The following FRMPD3 variants were observed in gnomAD, a reference collection of about 807,000 sequenced individuals.
The protein encoded by FRMPD3 is FERM and PDZ domain containing 3, also known as FERM and PDZ domain-containing protein 3.
Under a neutral mutation model 97.9 loss-of-function variants are expected in FRMPD3, and 42 were observed. The observed-to-expected ratio is 0.43, with a 90% CI of 0.34 to 0.55. The LOEUF (loss-of-function observed/expected upper bound fraction) is 0.55. FRMPD3 is among the 20% of genes least tolerant of loss of function. The pLI is 0.03. For synonymous variants in FRMPD3, 577 were observed against 581.1 expected, an observed-to-expected ratio of 0.99 and a Z score of 0.10; for missense variants, 1,303 against 1,457.7, an observed-to-expected ratio of 0.89 and a Z score of 1.73.
chrX:107,461,328 G>T (rs751484264), intron 1 of FRMPD3, among the ~76,000 whole-genome samples: 1 of 111,372 alleles, frequency 9.0e-6, no homozygotes, highest in South Asian at 3.9e-4. Context: ...CCCCTCTTCA[G>T]CAGGCTGTAT....
chrX:107,490,952 A>C (rs1385778722), intron 1 of FRMPD3, among the ~76,000 whole-genome samples: 1 of 112,101 alleles, frequency 8.9e-6, no homozygotes, highest in Non-Finnish European at 1.9e-5. Flanking sequence ...TGCACCAAGC[A>C]CTGGGCTTTG....
rs373975442 is a variant in FRMPD3, at chrX:107,597,555, G to A, written c.1676G>A (p.Arg559Gln). Reference sequence around the variant, plus strand: ...ATCTTCTTTGAGGAGACCAGGCCCCGAACCAAGTCTGACCCCACATCCAAA... The same window carrying A: ...ATCTTCTTTGAGGAGACCAGGCCCCAAACCAAGTCTGACCCCACATCCAAA... ...NLIFFEETRP[R>Q]TKSDPTSKSS... is the part of the protein sequence containing the mutation. The change falls in exon 14 of 15, where the codon CGA becomes CAA. Residue 559 changes from arginine to glutamine, a missense_variant. Transcript: ENST00000683843. The A allele has an allele frequency of 9.9e-6, 12 of 1,208,859 alleles. No homozygotes were observed. The highest frequency in any genetic ancestry group is 3.5e-5 in the South Asian group (2 of 56,793).
chrX:107,593,621 A>C (rs1924015803), intron 13 of FRMPD3, among the ~76,000 whole-genome samples: 1 of 111,696 alleles, frequency 9.0e-6, no homozygotes, highest in African/African-American at 3.3e-5. Flanking sequence ...GGGGCTAGCC[A>C]GTTGTCCCAA....
intron 1 of FRMPD3, among the ~76,000 whole-genome samples, chrX:107,514,650 C>T (rs1195398176): frequency 9.2e-6 from 1 of 109,127 alleles, no homozygotes; most frequent in Non-Finnish European, 1.9e-5. Context: ...CTCAGCCTCC[C>T]GAGTAGCTGG....
chrX:107,473,225 G>T (rs1204810547), intron 1 of FRMPD3, among the ~76,000 whole-genome samples: 1 of 112,122 alleles, frequency 8.9e-6, no homozygotes, highest in Non-Finnish European at 1.9e-5. Context: ...CCCAAATCTG[G>T]CCTTTCTCTC....
In FRMPD3 at chrX:107,597,423, G is replaced by T. The variant is rs747332403; in HGVS notation, c.1544G>T (p.Arg515Leu). ...GGCACCAGCCCCAGGAAATCGAGCC[G>T]CTGCACGCCCCCACCTGCCGACTCT... The part of the protein sequence containing the change: ...SVGTSPRKSS[R>L]CTPPPADSEL... The change falls in exon 14 of 15, where the codon CGC (arginine) becomes CTC (leucine). Residue 515 changes from arginine (R) to leucine (L), a missense_variant. Coordinates refer to ENST00000683843, the MANE Select transcript of FRMPD3 (RefSeq NM_001388459.1). 3.3e-6 allele frequency: 4 copies of T among 1,210,760 alleles called. No individual in the cohort carries two copies. In the African/African-American group the frequency reaches 5.2e-5, roughly 16 times the overall value.
At position 107,601,850 on chromosome X, in the gene FRMPD3, C is replaced by G; in HGVS notation, c.3811C>G (p.Pro1271Ala). The change falls in exon 15 of 15, where the codon CCA becomes GCA. Residue 1271 changes from proline to alanine, a missense_variant. Pro to Ala is a conservative substitution (Grantham distance 27). This residue lies in a region of FRMPD3 where 764 missense variants were observed against 820.2 expected (regional missense o/e 0.93). Transcript: ENST00000683843. ...ELPGTEYLQP[P>A]APGRCSCQLR... Reference sequence around the variant, plus strand: ...GCCAGGCACCGAGTACCTGCAACCTCCAGCACCTGGCCGCTGCAGCTGCCA... The same window carrying G: ...GCCAGGCACCGAGTACCTGCAACCTGCAGCACCTGGCCGCTGCAGCTGCCA... The G allele has an allele frequency of 9.1e-6, 11 of 1,210,196 alleles. No individual in the cohort carries two copies. The highest frequency in any genetic ancestry group is 1.2e-5 in the Non-Finnish European group (11 of 895,028).
chrX:107,466,374 G>A (rs1931563169), intron 1 of FRMPD3, among the ~76,000 whole-genome samples: 1 of 112,454 alleles, frequency 8.9e-6, no homozygotes, highest in African/African-American at 3.2e-5. Context: ...GATAGATTCT[G>A]TGCTCTCTGC....
intron 3 of FRMPD3, 124 bp downstream of exon 3, chrX:107,530,635 A>G: frequency 2.0e-6 from 1 of 508,286 alleles, no homozygotes. Flanking sequence ...GAAGCCCTAT[A>G]GAGGGCTCCT....
chrX:107,511,753 C>T (rs183962579), intron 1 of FRMPD3, among the ~76,000 whole-genome samples: 11 of 112,497 alleles, frequency 9.8e-5, no homozygotes, highest in African/African-American at 3.6e-4. Context: ...ACACCTGCTC[C>T]CCCTGTCTGC....
chrX:107,560,426 G>T (rs1323272399), intron 9 of FRMPD3, 33 bp downstream of exon 9: 1 of 1,200,353 alleles, frequency 8.3e-7, no homozygotes, highest in Non-Finnish European at 1.1e-6. Flanking sequence ...GGGATGGGGG[G>T]CGAATAGTTG....
chrX:107,450,111 C>T (rs1931252364), intron 1 of FRMPD3, among the ~76,000 whole-genome samples, 106 bp downstream of exon 1: 1 of 110,386 alleles, frequency 9.1e-6, no homozygotes, highest in African/African-American at 3.3e-5. Context: ...GGGCGACTGG[C>T]GCTTGGGCGC....
At chrX:107,560,095 TC>T (rs1292071904) in intron 8 of FRMPD3, among the ~76,000 whole-genome samples, 161 bp from the exon 9 acceptor site, 59 of 103,279 alleles carry the variant, frequency 5.7e-4, no homozygotes, top group African/African-American at 2.0e-3. Context: ...GACCTGAGCC[TC>T]CTCTGTTGTC....
chrX:107,565,559 G>A (rs1206395512), intron 12 of FRMPD3, among the ~76,000 whole-genome samples: 1 of 109,288 alleles, frequency 9.2e-6, no homozygotes, highest in Non-Finnish European at 1.9e-5. Context: ...GCTGGGCATG[G>A]TAGCACACAC....
At chrX:107,549,675 A>G (rs1310083207) in intron 5 of FRMPD3, among the ~76,000 whole-genome samples, 4 of 111,581 alleles carry the variant, frequency 3.6e-5, no homozygotes, top group African/African-American at 1.3e-4. Context: ...AGCTTTGTAG[A>G]AGGTGTTTAA....
At chrX:107,513,704 A>G (rs111620656) in intron 1 of FRMPD3, among the ~76,000 whole-genome samples, 2,918 of 111,926 alleles carry the variant, frequency 0.026, 89 homozygotes, top group African/African-American at 0.088. Context: ...TGAGACACAA[A>G]CCGTAGGCAT....
intron 12 of FRMPD3, among the ~76,000 whole-genome samples, chrX:107,571,993 C>T (rs1043879831): frequency 1.4e-4 from 16 of 112,532 alleles, no homozygotes; most frequent in African/African-American, 5.2e-4. Flanking sequence ...GCTCTCTATA[C>T]GTTTTCCTCA....
chrX:107,576,578 A>G (rs774914068), intron 13 of FRMPD3, 119 bp downstream of exon 13: 18 of 790,606 alleles, frequency 2.3e-5, no homozygotes, highest in Non-Finnish European at 2.9e-5. Flanking sequence ...CTGATTTGCC[A>G]GGAGCCAACA....
intron 12 of FRMPD3, among the ~76,000 whole-genome samples, chrX:107,570,526 T>C (rs766669152): frequency 1.0e-3 from 113 of 110,686 alleles, no homozygotes; most frequent in African/African-American, 3.6e-3. Context: ...TTCTGGGGGG[T>C]TGGGGCCCAG....
Sources: gnomAD v4.1 joint callset for allele counts (sites outside exome capture counted in the v4.1 genomes callset) on GRCh38, gnomAD v4.1.1 for gene constraint, gnomAD v4.1.1 regional missense constraint, MANE v1.5 for transcripts, NCBI Gene and HGNC (gene_info 2026-07-23, HGNC 2026-07-21) for gene names.